Variants in TSPAN9 observed in about 807,000 individuals in gnomAD.
TSPAN9 encodes tetraspanin 9.
In TSPAN9, 16 loss-of-function variants were observed where a neutral mutation model predicts 31.0. The observed-to-expected ratio is 0.52, with a 90% confidence interval of 0.35 to 0.78. The LOEUF is 0.78. Ranked by LOEUF, TSPAN9 falls within the 30% of genes least tolerant of loss-of-function variation. The pLI, the probability that TSPAN9 is intolerant of heterozygous loss-of-function variation, is 0.01. For missense variants in TSPAN9, 272 were observed against 312.5 expected (o/e 0.87, Z 0.98); for synonymous variants, 145 against 121.6 (o/e 1.19, Z -1.27).
intron 3 of TSPAN9, among the ~76,000 whole-genome samples, chr12:3,264,033 A>G (rs4766086): frequency 0.38 from 58,315 of 151,910 alleles, 13,371 homozygotes; most frequent in South Asian, 0.59. Flanking sequence ...TTTATCAGGT[A>G]GTGATTGGGC....
chr12:3,118,896 G>A (rs943331801), intron 2 of TSPAN9, among the ~76,000 whole-genome samples: 14 of 152,356 alleles, frequency 9.2e-5, no homozygotes, highest in African/African-American at 3.1e-4. Context: ...CTGGCACGCA[G>A]GTTGCAAAGA....
chr12:3,218,991 C>T (rs1034869506), intron 3 of TSPAN9, among the ~76,000 whole-genome samples: 1 of 151,702 alleles, frequency 6.6e-6, no homozygotes, highest in Non-Finnish European at 1.5e-5. Flanking sequence ...CAGCCAGCCA[C>T]TCTTGCTGGA....
chr12:3,161,177 C>T (rs1276806238), intron 2 of TSPAN9, among the ~76,000 whole-genome samples: 2 of 151,982 alleles, frequency 1.3e-5, no homozygotes, highest in African/African-American at 4.8e-5. Context: ...GTCGAGATTG[C>T]ACCATTGCAC....
chr12:3,136,744 G>A (rs2098332319), intron 2 of TSPAN9, among the ~76,000 whole-genome samples: 1 of 152,190 alleles, frequency 6.6e-6, no homozygotes, highest in Admixed American at 6.5e-5. Context: ...CAGCCAGTAA[G>A]TAAACAGGAG....
At chr12:3,113,337 G>C (rs2098320208) in intron 2 of TSPAN9, among the ~76,000 whole-genome samples, 1 of 152,128 alleles carries the variant, frequency 6.6e-6, no homozygotes, top group African/African-American at 2.4e-5. Flanking sequence ...GTGGATGCCT[G>C]GGGAGGCTCA....
intron 2 of TSPAN9, among the ~76,000 whole-genome samples, chr12:3,136,732 C>T (rs563221352): frequency 6.6e-6 from 1 of 152,268 alleles, no homozygotes; most frequent in African/African-American, 2.4e-5. Flanking sequence ...GAAGCTCCTG[C>T]CCAGCCAGTA....
intron 2 of TSPAN9, among the ~76,000 whole-genome samples, chr12:3,112,338 G>A (rs566495361): frequency 2.0e-4 from 31 of 151,652 alleles, no homozygotes; most frequent in Non-Finnish European, 4.0e-4. Context: ...CACCATGCCC[G>A]GCTAATTTTG....
intron 5 of TSPAN9, 24 bp downstream of exon 5, chr12:3,279,090 G>A (rs752425388): frequency 5.0e-6 from 8 of 1,609,228 alleles, no homozygotes; most frequent in Non-Finnish European, 6.0e-6. Context: ...GATGGGAGGG[G>A]GCATATGGAA....
intron 3 of TSPAN9, among the ~76,000 whole-genome samples, chr12:3,242,420 G>A (rs2098397040): frequency 6.6e-6 from 1 of 152,174 alleles, no homozygotes; most frequent in South Asian, 2.1e-4. Context: ...CCAACAGCAA[G>A]CACAGCTCCC....
intron 3 of TSPAN9, among the ~76,000 whole-genome samples, chr12:3,231,179 C>T (rs552942590): frequency 2.8e-4 from 42 of 152,090 alleles, no homozygotes; most frequent in Admixed American, 2.0e-4. Flanking sequence ...CTCTTATCGC[C>T]GCAGAAAGCA....
chr12:3,097,451 C>G (rs2098309687), intron 2 of TSPAN9, among the ~76,000 whole-genome samples: 1 of 152,170 alleles, frequency 6.6e-6, no homozygotes, highest in Non-Finnish European at 1.5e-5. Context: ...AAGCGAGGCT[C>G]CAGGAGCAGC....
intron 8 of TSPAN9, chr12:3,282,228 T>C (rs1441795742): frequency 3.5e-6 from 2 of 567,498 alleles, no homozygotes; most frequent in Non-Finnish European, 6.3e-6. Context: ...TTCTGCCTCC[T>C]GCACTCCTCT....
chr12:3,167,810 G>C (rs952977857), intron 2 of TSPAN9, among the ~76,000 whole-genome samples: 5 of 152,176 alleles, frequency 3.3e-5, no homozygotes, highest in African/African-American at 9.6e-5. Flanking sequence ...ACTTTCCTCC[G>C]GGGGCTTTGG....
intron 2 of TSPAN9, among the ~76,000 whole-genome samples, chr12:3,128,730 C>G (rs1272841890): frequency 6.6e-6 from 1 of 152,188 alleles, no homozygotes; most frequent in Non-Finnish European, 1.5e-5. Context: ...GATTCAGCAC[C>G]TCATCACATC....
intron 3 of TSPAN9, among the ~76,000 whole-genome samples, chr12:3,274,648 T>G (rs1184880193): frequency 6.6e-6 from 1 of 152,246 alleles, no homozygotes; most frequent in Non-Finnish European, 1.5e-5. Context: ...GGGACTTCCT[T>G]GTCCCCCCGC....
chr12:3,271,309 G>A (rs1485889482), intron 3 of TSPAN9, among the ~76,000 whole-genome samples: 1 of 152,212 alleles, frequency 6.6e-6, no homozygotes, highest in Non-Finnish European at 1.5e-5. Context: ...TGCTATGGCT[G>A]CCACTCAAGC....
At chr12:3,247,069 G>A (rs930573000) in intron 3 of TSPAN9, among the ~76,000 whole-genome samples, 2 of 152,122 alleles carry the variant, frequency 1.3e-5, no homozygotes, top group African/African-American at 4.8e-5. Flanking sequence ...GAGGAGCAAC[G>A]TACTGTGCAC....
At chr12:3,197,725 TCACCACCAGCACAGGC>T (rs1202346190) in intron 2 of TSPAN9, among the ~76,000 whole-genome samples, 2 of 88,446 alleles carry the variant, frequency 2.3e-5, no homozygotes, top group Non-Finnish European at 4.4e-5. Flanking sequence ...CCAGCACAGG[TCACCACCAGCACAGGC>T]CACCACCAGC....
chr12:3,182,467 CT>C (rs559037493), intron 2 of TSPAN9, among the ~76,000 whole-genome samples: 93 of 146,764 alleles, frequency 6.3e-4, no homozygotes, highest in East Asian at 1.2e-3. Context: ...CTCTTCCTAC[CT>C]TTTTTTTTTT....
Sources: gnomAD v4.1 joint callset for allele counts (sites outside exome capture counted in the v4.1 genomes callset) on GRCh38, gnomAD v4.1.1 for gene constraint, MANE v1.5 for transcripts, NCBI Gene and HGNC (gene_info 2026-07-23, HGNC 2026-07-21) for gene names.